KRAS: variants seen among roughly 807,000 people sequenced by gnomAD.
The protein encoded by KRAS is GTPase KRas.
Under a neutral mutation model 21.0 loss-of-function variants are expected in KRAS, and 1 was observed. The ratio of observed to expected loss-of-function variants is 0.05; its 90% CI spans 0.02 to 0.23. The LOEUF (loss-of-function observed/expected upper bound fraction) is 0.23, where lower values mean the gene tolerates loss of function less well. Among genes scored for constraint, KRAS ranks in the 10% least tolerant of loss-of-function variants. The pLI is 1.00. For synonymous variants in KRAS, 67 were observed against 72.5 expected (o/e 0.92, Z 0.39); for missense variants, 107 against 221.8 (o/e 0.48, Z 3.29).
chr12:25,214,495 C>A lies in KRAS; in HGVS notation c.451-4584G>T, dbSNP rs1282571226. On this transcript the variant is annotated intron_variant, in intron 4 of 4. Transcript: ENST00000311936. ...CTCTGCCTCCCAGGTTCAAGCAATTCTCCTGCCTCAGCCTCCCAAGTAGCT... is the reference window on the plus strand; with the variant it reads ...CTCTGCCTCCCAGGTTCAAGCAATTATCCTGCCTCAGCCTCCCAAGTAGCT... Among the ~76,000 whole-genome samples the A allele has an allele frequency of 2.0e-5, 3 of 151,786 alleles. No homozygotes were observed. In the East Asian group the frequency reaches 5.8e-4, roughly 29 times the overall value.
chr12:25,207,542 T>G lies in KRAS; in HGVS notation c.*2253A>C, dbSNP rs1951152220. 9.1e-6 allele frequency: 2 copies of G among 219,702 alleles called. No individual in the cohort carries two copies. The highest frequency in any genetic ancestry group is 3.7e-4 in the South Asian group (2 of 5,408). 13.6% of individuals were successfully genotyped at this position (219,702 alleles called of 1,614,324 possible). A position where few individuals can be genotyped will look rare whatever the true frequency, so the allele number is the denominator to read the frequency against. The stretch of plus-strand genomic sequence containing the variant: ...AAAAAAAAAAGTAAGCTTCATGAAT[T>G]AAAGTATTTTTCATTGCATGAAGAT... On this transcript the variant is annotated 3_prime_UTR_variant, in exon 5 of 5. Transcript: ENST00000311936.
chr12:25,235,563 TAAATAAATAATTAAA>T (rs1951533855), intron 2 of KRAS, among the ~76,000 whole-genome samples: 1 of 152,138 alleles, frequency 6.6e-6, no homozygotes, highest in Admixed American at 6.5e-5. Context: ...GACATGAACG[TAAATAAATAATTAAA>T]ATAAAATGAA....
intron 4 of KRAS, among the ~76,000 whole-genome samples, chr12:25,222,632 A>G (rs1431579359): frequency 1.3e-5 from 2 of 152,186 alleles, no homozygotes; most frequent in Non-Finnish European, 2.9e-5. Context: ...AAAAATGTCT[A>G]CAAATCAAAT....
rs1182123098 is a variant in KRAS at position 25,206,641 on chromosome 12, AACG to A, written c.*3151_*3153del. Reference sequence around the variant, plus strand: ...ATGGCCATTTCTTTCTCTGTGTAGAAACGAGGTACTGTGTAAGTCTTAACACCC... The same window carrying A: ...ATGGCCATTTCTTTCTCTGTGTAGAAAGGTACTGTGTAAGTCTTAACACCC... On this transcript the variant is annotated 3_prime_UTR_variant, in exon 5 of 5. Transcript: ENST00000311936. The A allele has an allele frequency of 5.0e-6, 1 of 201,180 alleles. No individual in the cohort carries two copies. Among genetic ancestry groups the A allele is most frequent in the African/African-American group, 2.3e-5 (1 of 43,346 alleles). The allele number at this position is 201,180 out of a possible 1,614,324, so 12.5% of individuals were successfully genotyped here.
rs1357877640 is a variant in KRAS, at chr12:25,208,875, A to C, written c.*920T>G. On this transcript the variant is annotated 3_prime_UTR_variant, in exon 5 of 5. Transcript: ENST00000311936. Reference sequence around the variant, plus strand: ...TCTTTTAATGTCACAAGCAGAATTAAAACTATCTTCAAAGACTCAAGTTGA... The same window carrying C: ...TCTTTTAATGTCACAAGCAGAATTACAACTATCTTCAAAGACTCAAGTTGA... The C allele has an allele frequency of 1.2e-5, 3 of 246,518 alleles. No homozygotes were observed. The Admixed American group carries it at 1.6e-4, about 13-fold the overall frequency. 15.3% of individuals were successfully genotyped at this position (246,518 alleles called of 1,614,324 possible).
intron 4 of KRAS, chr12:25,210,992 G>GA (rs996048090): frequency 6.6e-6 from 1 of 151,936 alleles, no homozygotes; most frequent in Non-Finnish European, 1.5e-5. Context: ...AAAAAATGAA[G>GA]AAAAAATATG....
Position 25,247,655 on chromosome 12 carries a change from CT to C in KRAS, c.-11-2261del, listed in dbSNP as rs551592493. 7.2e-5 allele frequency among the ~76,000 whole-genome samples: 11 copies of C among 152,304 alleles called. No homozygotes were observed. In the South Asian group the frequency reaches 2.3e-3, roughly 32 times the overall value. Reference sequence around the variant, plus strand: ...CTAGGAACCCCTCAGGTTACTAAGACTTTTCTGGTGTGCAAGAGGTCAAAAC... The same window carrying C: ...CTAGGAACCCCTCAGGTTACTAAGACTTTCTGGTGTGCAAGAGGTCAAAAC... On this transcript the variant is annotated intron_variant, in intron 1 of 4. Transcript: ENST00000311936.
At chr12:25,223,141 T>TTTGC (rs1388266352) in intron 4 of KRAS, among the ~76,000 whole-genome samples, 118 of 152,346 alleles carry the variant, frequency 7.7e-4, no homozygotes, top group African/African-American at 2.7e-3. Context: ...CAAAGTCTCT[T>TTTGC]AAATTTTTTC....
At chr12:25,215,091 T>TAAAAA (rs775121370) in intron 4 of KRAS, 6 of 87,780 alleles carry the variant, frequency 6.8e-5, no homozygotes, top group African/African-American at 1.5e-4. Context: ...TTCTCCCTAC[T>TAAAAA]AAAAAAAAAA....
rs1251815624 is a variant in KRAS at position 25,208,564 on chromosome 12, T to C, written c.*1231A>G. The C allele has an allele frequency of 4.3e-6, 1 of 233,132 alleles. No homozygotes were observed. Among genetic ancestry groups the C allele is most frequent in the Non-Finnish European group, 8.5e-6 (1 of 117,814 alleles). The allele number at this position is 233,132 out of a possible 1,614,324, so 14.4% of individuals were successfully genotyped here. A position where few individuals can be genotyped will look rare whatever the true frequency, so the allele number is the denominator to read the frequency against. On this transcript the variant is annotated 3_prime_UTR_variant, in exon 5 of 5. Transcript: ENST00000311936. ...CCCAAAATCTCAACTTTTGAGTTAA[T>C]ATTTAAAAGTAATTTTTAAAAAAGA...
intron 1 of KRAS, 122 bp from the exon 2 acceptor site, chr12:25,245,517 TCAAAATACCTTA>T: frequency 1.0e-6 from 1 of 997,882 alleles, no homozygotes; most frequent in Non-Finnish European, 1.5e-6. Flanking sequence ...AAAAATTATT[TCAAAATACCTTA>T]CAAAATTCAA....
chr12:25,225,885 A>G (rs528563807), intron 3 of KRAS, 112 bp from the exon 4 acceptor site: 11 of 941,346 alleles, frequency 1.2e-5, no homozygotes, highest in Middle Eastern at 3.2e-4. Flanking sequence ...TGTAATTCCT[A>G]GTTTCCACTA....
intron 4 of KRAS, chr12:25,215,117 C>T: frequency 5.8e-6 from 1 of 172,584 alleles, no homozygotes; most frequent in Non-Finnish European, 9.0e-6. Flanking sequence ...AAAAAAAAAG[C>T]TGCTGATTAT....
chr12:25,208,981 C>T lies in KRAS; in HGVS notation c.*814G>A, dbSNP rs1565878476. 6.0e-6 allele frequency: 2 copies of T among 330,870 alleles called. No individual in the cohort carries two copies. The highest frequency in any genetic ancestry group is 2.1e-5 in the African/African-American group (1 of 47,430). The allele number at this position is 330,870 out of a possible 1,614,324, so 20.5% of individuals were successfully genotyped here. A position where few individuals can be genotyped will look rare whatever the true frequency, so the allele number is the denominator to read the frequency against. ...TTAATTCCTATGAGAATTTTTTATA[C>T]TTGTTAAAATCTTTTCAATTATTAT... is the stretch of plus-strand genomic sequence containing the variant. On this transcript the variant is annotated 3_prime_UTR_variant, in exon 5 of 5. Transcript: ENST00000311936.
intron 2 of KRAS, among the ~76,000 whole-genome samples, chr12:25,231,504 G>C (rs1951470237): frequency 6.6e-6 from 1 of 152,044 alleles, no homozygotes; most frequent in Non-Finnish European, 1.5e-5. Context: ...CTGTAATGTG[G>C]GATATTAGTA....
At position 25,222,436 on chromosome 12, in the gene KRAS, CA is replaced by C; in HGVS notation, c.450+3177del. On this transcript the variant is annotated intron_variant, in intron 4 of 4. Coordinates refer to ENST00000311936, the MANE Select transcript of KRAS (RefSeq NM_004985.5). The stretch of plus-strand genomic sequence containing the variant: ...GCAAATTAATTTCTAGGCAAATCAA[CA>C]AGTCCATTTAATAATAAAAGGAAAT... 3.3e-5 allele frequency among the ~76,000 whole-genome samples: 5 copies of C among 152,016 alleles called. No individual in the cohort carries two copies. The East Asian group carries it at 7.7e-4, about 23-fold the overall frequency.
At chr12:25,249,393 C>A (rs1201587177) in intron 1 of KRAS, among the ~76,000 whole-genome samples, 1 of 147,492 alleles carries the variant, frequency 6.8e-6, no homozygotes, top group Non-Finnish European at 1.5e-5. Context: ...CAGATGGAGA[C>A]CATCCTGACC....
intron 4 of KRAS, among the ~76,000 whole-genome samples, chr12:25,212,266 C>A (rs1592795702): frequency 6.6e-6 from 1 of 152,242 alleles, no homozygotes; most frequent in Non-Finnish European, 1.5e-5. Context: ...GCCAATGGTA[C>A]TAAAATGGTA....
At chr12:25,245,947 G>A (rs1951673976) in intron 1 of KRAS, among the ~76,000 whole-genome samples, 1 of 152,192 alleles carries the variant, frequency 6.6e-6, no homozygotes, top group Admixed American at 6.5e-5. Flanking sequence ...AGAATCAGAT[G>A]AGAGTTGAGA....
Sources: allele counts gnomAD v4.1 joint callset (sites outside exome capture counted in the v4.1 genomes callset), GRCh38; gene constraint gnomAD v4.1.1; transcripts MANE v1.5; gene names NCBI Gene and HGNC (gene_info 2026-07-23, HGNC 2026-07-21).